The following PANX2 variants were observed in gnomAD, a reference collection of about 807,000 sequenced individuals.
PANX2 encodes pannexin 2.
PANX2 carries 30 observed loss-of-function variants against 38.7 expected under a neutral mutation model. The observed-to-expected ratio is 0.78, with a 90% CI of 0.58 to 1.05. The LOEUF (loss-of-function observed/expected upper bound fraction) is 1.05, where lower values mean the gene tolerates loss of function less well. Among genes scored for constraint, PANX2 ranks in the 50% least tolerant of loss-of-function variants. The pLI is 0.00. For synonymous variants in PANX2, 539 were observed against 472.1 expected (o/e 1.14, Z -1.84); for missense variants, 880 against 979.3 (o/e 0.90, Z 1.35).
At chr22:50,175,777 G>A (rs1393209819) in intron 1 of PANX2, among the ~76,000 whole-genome samples, 2 of 152,250 alleles carry the variant, frequency 1.3e-5, no homozygotes, top group Non-Finnish European at 2.9e-5. Flanking sequence ...GGTCTGAGGG[G>A]CTCGTTGCTG....
intron 1 of PANX2, among the ~76,000 whole-genome samples, chr22:50,171,797 C>T (rs918930085): frequency 6.6e-6 from 1 of 152,160 alleles, no homozygotes; most frequent in Non-Finnish European, 1.5e-5. Context: ...TCAGGGTCTC[C>T]TGGCCTGTGT....
rs762599245 is a variant in PANX2, at chr22:50,177,147, G to C, written c.435G>C (p.Leu145=). 1.6e-5 allele frequency: 26 copies of C among 1,607,640 alleles called. No homozygotes were observed. Among genetic ancestry groups the C allele is most frequent in the Middle Eastern group, 3.3e-4 (2 of 6,060 alleles). ...TGCCCGCGCTGGGCTGGGAGTTCCTGGCCTCCACGCGCCTCACCTCCGAGC... is the reference window on the plus strand; with the variant it reads ...TGCCCGCGCTGGGCTGGGAGTTCCTCGCCTCCACGCGCCTCACCTCCGAGC... ...MYVPALGWEF[L]ASTRLTSELN... The change falls in exon 2 of 3, where the codon CTG becomes CTC. Residue 145 remains leucine, a synonymous_variant. Transcript: ENST00000395842.
chr22:50,172,990 G>A (rs1187551114), intron 1 of PANX2, among the ~76,000 whole-genome samples: 1 of 149,964 alleles, frequency 6.7e-6, no homozygotes, highest in African/African-American at 2.4e-5. Context: ...TTCGCCTCCT[G>A]GGTTCACACC....
At chr22:50,172,236 T>G (rs956099090) in intron 1 of PANX2, among the ~76,000 whole-genome samples, 1 of 152,192 alleles carries the variant, frequency 6.6e-6, no homozygotes, top group Admixed American at 6.5e-5. Context: ...CATTTATCTC[T>G]CATGGTTCCG....
rs754386745 is a variant in PANX2, at chr22:50,179,202, C to T, written c.1959C>T (p.Ala653=). 2 of 1,612,726 alleles carry T rather than the reference C, an allele frequency of 1.2e-6. No individual in the cohort carries two copies. Among genetic ancestry groups the T allele is most frequent in the Non-Finnish European group, 1.7e-6 (2 of 1,179,900 alleles). Residue 653 remains alanine (A), a synonymous_variant, in exon 3 of 3, where the codon GCC becomes GCT. Coordinates refer to ENST00000395842, the MANE Select transcript of PANX2 (RefSeq NM_052839.4). ...RLPQDVGDLI[A]IPAPQQILIA... ...CGCAGGACGTGGGGGACCTCATCGC[C>T]ATCCCTGCCCCACAGCAGATCCTCA...
chr22:50,177,992 G>C lies in PANX2; in HGVS notation c.1280G>C (p.Arg427Pro). 6.5e-7 allele frequency: 1 copy of C among 1,538,834 alleles called. No homozygotes were observed. The highest frequency in any genetic ancestry group is 8.7e-7 in the Non-Finnish European group (1 of 1,147,220). ...AAEPPVVKRP[R>P]KKMKWIPTSN... ...GAGCCGCCCGTGGTCAAGCGGCCGC[G>C]CAAGAAGATGAAGTGGATCCCCACC... Residue 427 changes from arginine to proline, a missense_variant, in exon 2 of 3, where the codon CGC (arginine) becomes CCC (proline). Transcript: ENST00000395842.
intron 1 of PANX2, among the ~76,000 whole-genome samples, chr22:50,173,824 G>A (rs1002607141): frequency 5.3e-5 from 8 of 152,100 alleles, no homozygotes; most frequent in South Asian, 2.1e-4. Flanking sequence ...GCTGCGTGGC[G>A]TTCTCTCTCC....
At position 50,178,203 on chromosome 22, in the gene PANX2, T is replaced by G. The variant is rs886581034; in HGVS notation, c.1491T>G (p.Pro497=). Residue 497 remains proline (P), a synonymous_variant, in exon 2 of 3, where the codon CCT becomes CCG. Coordinates refer to ENST00000395842, the MANE Select transcript of PANX2 (RefSeq NM_052839.4). Reference sequence around the variant, plus strand: ...GCGACCCGGGCCCCGGCCCCGCCCCTGCCCCCGCCCCGCCGCCCGCCCCTG... The same window carrying G: ...GCGACCCGGGCCCCGGCCCCGCCCCGGCCCCCGCCCCGCCGCCCGCCCCTG... ...GGGDPGPGPA[P]APAPPPAPDK... 1.2e-4 allele frequency: 98 copies of G among 844,144 alleles called. No homozygotes were observed. Among genetic ancestry groups the G allele is most frequent in the Non-Finnish European group, 1.4e-4 (86 of 622,634 alleles). 52.3% of individuals were successfully genotyped at this position (844,144 alleles called of 1,614,324 possible). A position where few individuals can be genotyped will look rare whatever the true frequency, so the allele number is the denominator to read the frequency against.
In PANX2 at chr22:50,177,952, C is replaced by T; in HGVS notation, c.1240C>T (p.Pro414Ser). Reference sequence around the variant, plus strand: ...GGACCCCAGCGCCAACCCCGCCGAGCCCGACGGCGCCGCCGAGCCGCCCGT... The same window carrying T: ...GGACCCCAGCGCCAACCCCGCCGAGTCCGACGGCGCCGCCGAGCCGCCCGT... Reference protein sequence around the residue: ...TVDPSANPAEPDGAAEPPVVK... With the variant: ...TVDPSANPAESDGAAEPPVVK... Residue 414 changes from proline to serine, a missense_variant, in exon 2 of 3, where the codon CCC (proline) becomes TCC (serine). By Grantham distance (74) the Pro-to-Ser change is moderately conservative. Around this residue, in one of 4 missense-constraint regions of PANX2, gnomAD observed 445 missense variants for 404.3 expected, o/e 1.10. Coordinates refer to ENST00000395842, the MANE Select transcript of PANX2 (RefSeq NM_052839.4). 2.0e-6 allele frequency: 3 copies of T among 1,532,696 alleles called. No individual in the cohort carries two copies. Among genetic ancestry groups the T allele is most frequent in the South Asian group, 2.4e-5 (2 of 83,816 alleles). The allele number at this position is 1,532,696 out of a possible 1,614,324, so 94.9% of individuals were successfully genotyped here.
At chr22:50,178,715 C>A (rs975169962) in intron 2 of PANX2, among the ~76,000 whole-genome samples, 1 of 152,198 alleles carries the variant, frequency 6.6e-6, no homozygotes, top group African/African-American at 2.4e-5. Context: ...AGCCAAGTTC[C>A]TCGGGTGAGG....
rs1269821607 is a variant in PANX2, at chr22:50,179,104, G to A, written c.1861G>A (p.Ala621Thr). Residue 621 changes from alanine to threonine, a missense_variant, in exon 3 of 3, where the codon GCC (alanine) becomes ACC (threonine). Around this residue, in one of 4 missense-constraint regions of PANX2, gnomAD observed 445 missense variants for 404.3 expected, o/e 1.10. Transcript: ENST00000395842. Reference sequence around the variant, plus strand: ...GCCCCTCACCATCCTGAGCCGAAACGCCACACACCCGCTGCTGCACATCAA... The same window carrying A: ...GCCCCTCACCATCCTGAGCCGAAACACCACACACCCGCTGCTGCACATCAA... ...AEPLTILSRN[A>T]THPLLHINTL... 6 of 1,611,888 alleles carry A rather than the reference G, an allele frequency of 3.7e-6. No individual in the cohort carries two copies. Among genetic ancestry groups the A allele is most frequent in the East Asian group, 2.2e-5 (1 of 44,816 alleles).
chr22:50,178,827 GC>G (rs1330263353), intron 2 of PANX2, 106 bp from the exon 3 acceptor site: 1 of 948,902 alleles, frequency 1.1e-6, no homozygotes, highest in African/African-American at 1.7e-5. Flanking sequence ...TCTCCAGGGC[GC>G]TTCAGAGCCG....
At chr22:50,174,874 G>T (rs550720247) in intron 1 of PANX2, among the ~76,000 whole-genome samples, 5 of 152,196 alleles carry the variant, frequency 3.3e-5, no homozygotes, top group Admixed American at 2.0e-4. Context: ...AGCATCCACC[G>T]GGAAAGGCCC....
chr22:50,170,836 G>A lies in PANX2; in HGVS notation c.106G>A (p.Ala36Thr), dbSNP rs1234676738. The change falls in exon 1 of 3, where the codon GCG (alanine) becomes ACG (threonine). Residue 36 changes from alanine to threonine, a missense_variant. Physicochemically the swap from Ala to Thr is moderately conservative, Grantham distance 58 (BLOSUM62 0). This residue lies in a region of PANX2 where 243 missense variants were observed against 333.1 expected (regional missense o/e 0.73). Coordinates refer to ENST00000395842, the MANE Select transcript of PANX2 (RefSeq NM_052839.4). ...LPGAQDDKAGALAALLLQLKL... is the reference protein window; with the variant it reads ...LPGAQDDKAGTLAALLLQLKL... ...GGGCGCGCAGGACGACAAGGCGGGC[G>A]CGCTGGCCGCGCTGCTTCTGCAGCT... is the stretch of plus-strand genomic sequence containing the variant. 8 of 1,487,302 alleles carry A rather than the reference G, an allele frequency of 5.4e-6. No homozygotes were observed. The African/African-American group carries it at 1.2e-4, about 22-fold the overall frequency. The allele number at this position is 1,487,302 out of a possible 1,614,324, so 92.1% of individuals were successfully genotyped here.
intron 1 of PANX2, among the ~76,000 whole-genome samples, chr22:50,175,001 GC>G (rs1217830159): frequency 6.6e-6 from 1 of 152,190 alleles, no homozygotes; most frequent in African/African-American, 2.4e-5. Flanking sequence ...ATGCCTTGGG[GC>G]CCCCAAAGGG....
chr22:50,171,031 C>T (rs1190429615), intron 1 of PANX2, 75 bp downstream of exon 1: 2 of 751,820 alleles, frequency 2.7e-6, no homozygotes, highest in East Asian at 3.7e-5. Flanking sequence ...GCGCTTCCCG[C>T]GTCCCCGGCG....
intron 1 of PANX2, among the ~76,000 whole-genome samples, chr22:50,172,090 A>G (rs900834569): frequency 3.3e-5 from 5 of 152,098 alleles, no homozygotes; most frequent in African/African-American, 4.8e-5. Context: ...GGGTGGGCAC[A>G]CAGCACACTC....
At chr22:50,178,770 G>A (rs1206263174) in intron 2 of PANX2, among the ~76,000 whole-genome samples, 164 bp from the exon 3 acceptor site, 1 of 152,204 alleles carries the variant, frequency 6.6e-6, no homozygotes, top group Non-Finnish European at 1.5e-5. Context: ...TGGGGCGGGG[G>A]GTGTTCCCAG....
At position 50,177,321 on chromosome 22, in the gene PANX2, G is replaced by A. The variant is rs2147062847; in HGVS notation, c.609G>A (p.Lys203=). ...REIIENAEKE[K]SPEQNLFEKY... ...TCATCGAGAACGCGGAGAAGGAGAA[G>A]AGCCCGGAGCAGAACCTGTTCGAGA... Residue 203 remains lysine (K), a synonymous_variant, in exon 2 of 3, where the codon AAG becomes AAA. Transcript: ENST00000395842. 1.2e-6 allele frequency: 2 copies of A among 1,610,550 alleles called. No homozygotes were observed. The highest frequency in any genetic ancestry group is 1.7e-6 in the Non-Finnish European group (2 of 1,179,062).
Sources: allele counts gnomAD v4.1 joint callset (sites outside exome capture counted in the v4.1 genomes callset), GRCh38; gene constraint gnomAD v4.1.1; regional missense constraint gnomAD v4.1.1; transcripts MANE v1.5; gene names NCBI Gene and HGNC (gene_info 2026-07-23, HGNC 2026-07-21).